Variants in MLLT3 observed in about 807,000 individuals in gnomAD.
MLLT3 encodes the protein protein AF-9.
A neutral mutation model predicts 53.2 loss-of-function variants in MLLT3; 4 were observed. The ratio of observed to expected loss-of-function variants is 0.08; its 90% CI spans 0.04 to 0.17. The LOEUF (loss-of-function observed/expected upper bound fraction) is 0.17. Ranked by LOEUF, MLLT3 falls within the 10% of genes least tolerant of loss-of-function variation. The probability of loss-of-function intolerance (pLI) is 1.00; values close to 1 mark genes in which losing one functional copy is unlikely to be tolerated. For synonymous variants in MLLT3, 283 were observed against 230.6 expected, an observed-to-expected ratio of 1.23 and a Z score of -2.06; for missense variants, 569 against 684.0, an observed-to-expected ratio of 0.83 and a Z score of 1.87.
chr9:20,596,434 A>T (rs1820266336), intron 2 of MLLT3, among the ~76,000 whole-genome samples: 1 of 152,240 alleles, frequency 6.6e-6, no homozygotes, highest in African/African-American at 2.4e-5. Flanking sequence ...ACACGCCTAT[A>T]ATCCCAGCAC....
intron 2 of MLLT3, among the ~76,000 whole-genome samples, chr9:20,584,906 C>T (rs1384152653): frequency 3.3e-5 from 5 of 152,160 alleles, no homozygotes; most frequent in African/African-American, 1.2e-4. Flanking sequence ...CCTCCATTTA[C>T]CTATTGAAGG....
intron 5 of MLLT3, among the ~76,000 whole-genome samples, chr9:20,369,325 T>C (rs1448015098): frequency 6.6e-6 from 1 of 152,218 alleles, no homozygotes; most frequent in Non-Finnish European, 1.5e-5. Flanking sequence ...ATGAGGCCAC[T>C]GATTCTATAT....
At chr9:20,515,103 C>T (rs994824388) in intron 2 of MLLT3, among the ~76,000 whole-genome samples, 3 of 151,896 alleles carry the variant, frequency 2.0e-5, no homozygotes, top group Admixed American at 2.0e-4. Context: ...CCCGCCACCA[C>T]GCCCGGCTAA....
At position 20,535,635 on chromosome 9, in the gene MLLT3, C is replaced by A. The variant is rs556895154; in HGVS notation, c.194-78849G>T. 4.6e-5 allele frequency among the ~76,000 whole-genome samples: 7 copies of A among 152,258 alleles called. No homozygotes were observed. The South Asian group carries it at 1.5e-3, about 32-fold the overall frequency. On this transcript the variant is annotated intron_variant, in intron 2 of 10. Transcript: ENST00000380338. ...ATTCTATTCGCTCAGCAGGAAGAGACTCTGCAAGGAGCACACGTTTAGGAT... is the reference window on the plus strand; with the variant it reads ...ATTCTATTCGCTCAGCAGGAAGAGAATCTGCAAGGAGCACACGTTTAGGAT...
chr9:20,416,125 C>T lies in MLLT3; in HGVS notation c.421-1700G>A, dbSNP rs562817522. Among the ~76,000 whole-genome samples the T allele has an allele frequency of 1.5e-3, 229 of 151,960 alleles. 1 individual carries two copies. Among genetic ancestry groups the T allele is most frequent in the Non-Finnish European group, 2.7e-3 (186 of 67,840 alleles). On this transcript the variant is annotated intron_variant, in intron 4 of 10. Coordinates refer to ENST00000380338, the MANE Select transcript of MLLT3 (RefSeq NM_004529.4). ...TTATAAATTCTATTACATTTCCTGT[C>T]ATGTTAAGCAATACTATGAATAATT...
intron 2 of MLLT3, among the ~76,000 whole-genome samples, chr9:20,472,497 A>G (rs1403929915): frequency 1.3e-5 from 2 of 152,142 alleles, no homozygotes; most frequent in Admixed American, 6.6e-5. Flanking sequence ...ATCCCAGTTA[A>G]GAATTTCAAG....
chr9:20,367,856 G>C lies in MLLT3; in HGVS notation c.1126-2112C>G, dbSNP rs535982173. ...TATATTTGTTTCTCACCAATGCTTTGTTCATCTCCCTTTCCAGCACTGAAT... is the reference window on the plus strand; with the variant it reads ...TATATTTGTTTCTCACCAATGCTTTCTTCATCTCCCTTTCCAGCACTGAAT... On this transcript the variant is annotated intron_variant, in intron 5 of 10. Transcript: ENST00000380338. 7.9e-5 allele frequency among the ~76,000 whole-genome samples: 12 copies of C among 152,266 alleles called. No individual in the cohort carries two copies. The South Asian group carries it at 1.5e-3, about 18-fold the overall frequency.
chr9:20,557,735 G>C (rs1380762155), intron 2 of MLLT3, among the ~76,000 whole-genome samples: 1 of 152,178 alleles, frequency 6.6e-6, no homozygotes, highest in Non-Finnish European at 1.5e-5. Flanking sequence ...GGTTAAGGAA[G>C]AGAAACACTA....
intron 2 of MLLT3, among the ~76,000 whole-genome samples, chr9:20,512,192 C>G (rs7852651): frequency 0.29 from 43,836 of 152,068 alleles, 7,504 homozygotes; most frequent in African/African-American, 0.48. Context: ...TGCTGTTTTA[C>G]GGACTGTGGA....
intron 2 of MLLT3, among the ~76,000 whole-genome samples, chr9:20,495,727 G>A (rs1209572029): frequency 1.3e-5 from 2 of 152,120 alleles, no homozygotes; most frequent in African/African-American, 4.8e-5. Context: ...GATGGGTCTT[G>A]TGGATGAAAT....
chr9:20,616,637 G>C (rs923107730), intron 2 of MLLT3, among the ~76,000 whole-genome samples: 1 of 152,070 alleles, frequency 6.6e-6, no homozygotes, highest in African/African-American at 2.4e-5. Flanking sequence ...ATCTGCACAA[G>C]CACTTTTTTG....
At chr9:20,358,870 T>C (rs1821242959) in intron 8 of MLLT3, among the ~76,000 whole-genome samples, 1 of 152,016 alleles carries the variant, frequency 6.6e-6, no homozygotes, top group African/African-American at 2.4e-5. Context: ...TTTAAAAATA[T>C]CATCGGCTGG....
At chr9:20,416,830 A>C (rs920598709) in intron 4 of MLLT3, among the ~76,000 whole-genome samples, 3 of 152,122 alleles carry the variant, frequency 2.0e-5, no homozygotes, top group Non-Finnish European at 2.9e-5. Context: ...AATTTAAAAA[A>C]TAAAAGGAGA....
At chr9:20,520,935 A>T (rs117397237) in intron 2 of MLLT3, among the ~76,000 whole-genome samples, 28 of 152,352 alleles carry the variant, frequency 1.8e-4, no homozygotes, top group Admixed American at 5.2e-4. Context: ...CATGTAGAAT[A>T]GTGGAAAAGG....
intron 2 of MLLT3, chr9:20,502,121 A>C (rs1825259024): frequency 6.5e-6 from 1 of 153,340 alleles, no homozygotes. Flanking sequence ...CCTTTTAAGG[A>C]AAAGTAGGTA....
chr9:20,433,228 T>G (rs1322348611), intron 4 of MLLT3, among the ~76,000 whole-genome samples: 1 of 152,052 alleles, frequency 6.6e-6, no homozygotes, highest in African/African-American at 2.4e-5. Context: ...AAAATGAACT[T>G]GACATATCTT....
Position 20,561,135 on chromosome 9 carries a change from A to G in MLLT3, c.193+59519T>C, listed in dbSNP as rs561367608. Among the ~76,000 whole-genome samples the G allele has an allele frequency of 2.0e-5, 3 of 152,252 alleles. No individual in the cohort carries two copies. In the South Asian group the frequency reaches 6.2e-4, roughly 32 times the overall value. ...CTCCAGGTTACACATGCATGCACGC[A>G]CACACACGCGTGTGTGCACAAGCAC... On this transcript the variant is annotated intron_variant, in intron 2 of 10. Transcript: ENST00000380338.
chr9:20,583,535 T>C (rs549649126), intron 2 of MLLT3, among the ~76,000 whole-genome samples: 12 of 152,246 alleles, frequency 7.9e-5, no homozygotes, highest in African/African-American at 2.9e-4. Flanking sequence ...CTGCAGCAAA[T>C]TTTTCCCTGG....
chr9:20,567,065 A>G (rs1819395192), intron 2 of MLLT3, among the ~76,000 whole-genome samples: 1 of 151,828 alleles, frequency 6.6e-6, no homozygotes. Flanking sequence ...TAGATCATTT[A>G]TGGATTAGAA....
Sources: gnomAD v4.1 joint callset for allele counts (sites outside exome capture counted in the v4.1 genomes callset) on GRCh38, gnomAD v4.1.1 for gene constraint, MANE v1.5 for transcripts, NCBI Gene and HGNC (gene_info 2026-07-23, HGNC 2026-07-21) for gene names.